Variants in CWC27 observed in about 807,000 individuals in gnomAD.
CWC27 encodes the protein spliceosome-associated protein CWC27 homolog.
Under a neutral mutation model 63.6 loss-of-function variants are expected in CWC27, and 47 were observed. The observed-to-expected ratio is 0.74, with a 90% CI of 0.58 to 0.94. CWC27 has a LOEUF of 0.94. Among genes scored for constraint, CWC27 ranks in the 40% least tolerant of loss-of-function variants. The probability of loss-of-function intolerance (pLI) is 0.00; values close to 1 mark genes in which losing one functional copy is unlikely to be tolerated. For synonymous variants in CWC27, 175 were observed against 179.8 expected (o/e 0.97, Z 0.22); for missense variants, 495 against 554.3 (o/e 0.89, Z 1.07).
chr5:64,971,821 A>C lies in CWC27; in HGVS notation c.1152+9A>C. The C allele has an allele frequency of 1.9e-6, 3 of 1,564,154 alleles. No individual in the cohort carries two copies. Among genetic ancestry groups the C allele is most frequent in the Non-Finnish European group, 2.6e-6 (3 of 1,141,424 alleles). On this transcript the variant is annotated intron_variant, in intron 12 of 13. Transcript: ENST00000381070. Reference sequence around the variant, plus strand: ...CTTCCCGGGAAGATCAGGTAACTTCAAAAACCCAAATCCATACAGAACTTA... The same window carrying C: ...CTTCCCGGGAAGATCAGGTAACTTCCAAAACCCAAATCCATACAGAACTTA...
intron 10 of CWC27, among the ~76,000 whole-genome samples, chr5:64,841,521 G>T (rs1745835624): frequency 6.6e-6 from 1 of 152,110 alleles, no homozygotes; most frequent in Non-Finnish European, 1.5e-5. Flanking sequence ...CTAGAAATTT[G>T]AAAGTCATCC....
At chr5:64,990,619 C>T (rs920551411) in intron 13 of CWC27, among the ~76,000 whole-genome samples, 8 of 152,254 alleles carry the variant, frequency 5.3e-5, no homozygotes, top group African/African-American at 1.9e-4. Flanking sequence ...CTCTAATTTC[C>T]AGTATAGGAA....
At chr5:64,959,906 A>G (rs1748874728) in intron 11 of CWC27, among the ~76,000 whole-genome samples, 1 of 152,220 alleles carries the variant, frequency 6.6e-6, no homozygotes, top group Non-Finnish European at 1.5e-5. Flanking sequence ...GGAGGGCAAT[A>G]TAAACAAAGA....
chr5:64,879,785 G>T (rs1465245211), intron 10 of CWC27, among the ~76,000 whole-genome samples: 2 of 126,784 alleles, frequency 1.6e-5, no homozygotes, highest in Non-Finnish European at 1.7e-5. Context: ...TTGAGAAATC[G>T]GTTGCAAAAA....
chr5:64,947,291 A>G (rs1431423629), intron 11 of CWC27, among the ~76,000 whole-genome samples: 2 of 152,206 alleles, frequency 1.3e-5, no homozygotes, highest in East Asian at 1.9e-4. Context: ...TGGTATGCAT[A>G]CACACTATTC....
intron 11 of CWC27, among the ~76,000 whole-genome samples, chr5:64,939,563 G>C (rs1322020351): frequency 6.6e-6 from 1 of 152,196 alleles, no homozygotes; most frequent in Non-Finnish European, 1.5e-5. Context: ...ACCCCTGCTG[G>C]GAGGTGCCTT....
intron 2 of CWC27, among the ~76,000 whole-genome samples, chr5:64,777,428 T>C (rs1291204295): frequency 1.3e-5 from 2 of 152,126 alleles, no homozygotes; most frequent in African/African-American, 4.8e-5. Context: ...AACATTTACA[T>C]AGTTAAACAC....
In CWC27 at chr5:64,971,691, A is replaced by G. The variant is rs1749126813; in HGVS notation, c.1043-12A>G. 2 of 1,557,232 alleles carry G rather than the reference A, an allele frequency of 1.3e-6. No individual in the cohort carries two copies. Among genetic ancestry groups the G allele is most frequent in the South Asian group, 2.4e-5 (2 of 83,562 alleles). ...TTACTGCTTATTCTAAAAATATTCT[A>G]CTATTCTTTAGAGGAAGAAGCCCCT... is the stretch of plus-strand genomic sequence containing the variant. On this transcript the variant is annotated splice_polypyrimidine_tract_variant and intron_variant, in intron 11 of 13. Coordinates refer to ENST00000381070, the MANE Select transcript of CWC27 (RefSeq NM_005869.4).
intron 11 of CWC27, among the ~76,000 whole-genome samples, chr5:64,928,002 A>T (rs1400616510): frequency 6.6e-6 from 1 of 152,094 alleles, no homozygotes; most frequent in African/African-American, 2.4e-5. Context: ...TAAAAATACA[A>T]AATTTAGCCA....
chr5:64,958,309 T>C (rs1748840000), intron 11 of CWC27, among the ~76,000 whole-genome samples: 2 of 152,180 alleles, frequency 1.3e-5, no homozygotes, highest in Non-Finnish European at 2.9e-5. Flanking sequence ...TATATGGTAG[T>C]GTGTGTAGAA....
chr5:64,998,051 A>G (rs1423417155), intron 13 of CWC27, among the ~76,000 whole-genome samples: 1 of 152,172 alleles, frequency 6.6e-6, no homozygotes, highest in African/African-American at 2.4e-5. Context: ...TTTGAATTCT[A>G]AACTCCCTGT....
intron 10 of CWC27, among the ~76,000 whole-genome samples, chr5:64,871,712 G>A (rs1746680708): frequency 6.6e-6 from 1 of 152,006 alleles, no homozygotes; most frequent in Non-Finnish European, 1.5e-5. Flanking sequence ...TCTAGTTTGG[G>A]CAGGGACTTC....
chr5:64,961,868 A>G (rs1748917610), intron 11 of CWC27, among the ~76,000 whole-genome samples: 1 of 152,164 alleles, frequency 6.6e-6, no homozygotes, highest in South Asian at 2.1e-4. Context: ...AGTGCTTGAC[A>G]TATAATAAGT....
intron 13 of CWC27, among the ~76,000 whole-genome samples, chr5:64,998,129 C>G (rs73093068): frequency 0.01 from 1,537 of 152,122 alleles, 29 homozygotes; most frequent in African/African-American, 0.035. Context: ...CTGTCTTAAC[C>G]CTGCGCTTTC....
intron 10 of CWC27, chr5:64,844,872 T>C: frequency 2.2e-6 from 1 of 456,584 alleles, no homozygotes; most frequent in Non-Finnish European, 4.4e-6. Flanking sequence ...GAGGTAATCC[T>C]CAATTGTGCA....
chr5:64,961,419 T>G (rs1173468816), intron 11 of CWC27, among the ~76,000 whole-genome samples: 1 of 152,130 alleles, frequency 6.6e-6, no homozygotes, highest in Non-Finnish European at 1.5e-5. Context: ...TATATATATA[T>G]CTCCTATTTT....
intron 11 of CWC27, among the ~76,000 whole-genome samples, chr5:64,935,767 T>C (rs2112407829): frequency 6.6e-6 from 1 of 152,306 alleles, no homozygotes; most frequent in East Asian, 1.9e-4. Context: ...TGTCCTCTCT[T>C]ACTTCCTTGA....
chr5:64,808,107 A>G (rs1329980912), intron 10 of CWC27: 1 of 1,137,230 alleles, frequency 8.8e-7, no homozygotes, highest in Non-Finnish European at 1.1e-6. Flanking sequence ...TCTGTGAAGC[A>G]GTAGCATTAG....
chr5:65,011,511 G>A (rs1289387999), intron 13 of CWC27, among the ~76,000 whole-genome samples: 1 of 152,176 alleles, frequency 6.6e-6, no homozygotes. Context: ...GTTTGTTCAG[G>A]AAACTTCAAA....
Sources: gnomAD v4.1 joint callset for allele counts (sites outside exome capture counted in the v4.1 genomes callset) on GRCh38, gnomAD v4.1.1 for gene constraint, MANE v1.5 for transcripts, NCBI Gene and HGNC (gene_info 2026-07-23, HGNC 2026-07-21) for gene names.